DMXL1: variants seen among roughly 807,000 people sequenced by gnomAD.
The protein encoded by DMXL1 is Dmx like 1, also known as dmX-like protein 1.
Under a neutral mutation model 319.2 loss-of-function variants are expected in DMXL1, and 99 were observed. The ratio of observed to expected loss-of-function variants is 0.31; its 90% confidence interval spans 0.26 to 0.37. The LOEUF is 0.37. Ranked by LOEUF, DMXL1 falls within the 10% of genes least tolerant of loss-of-function variation. The probability of loss-of-function intolerance (pLI) is 1.00; values close to 1 mark genes in which losing one functional copy is unlikely to be tolerated. For missense variants in DMXL1, 3,745 were observed against 3,595.6 expected (o/e 1.04, Z -1.06); for synonymous variants, 1,385 against 1,235.2 (o/e 1.12, Z -2.54).
At chr5:119,173,774 G>GTATATATATATATA (rs1306952541) in intron 25 of DMXL1, among the ~76,000 whole-genome samples, 1 of 33,644 alleles carries the variant, frequency 3.0e-5, no homozygotes, top group Non-Finnish European at 5.3e-5. Flanking sequence ...ATATGTGTGT[G>GTATATATATATATA]TGTATATATA....
intron 1 of DMXL1, among the ~76,000 whole-genome samples, chr5:119,095,956 C>T (rs1200352538): frequency 6.6e-6 from 1 of 152,064 alleles, no homozygotes; most frequent in Non-Finnish European, 1.5e-5. Flanking sequence ...AGGGAAGCCC[C>T]TGTTGGTACC....
At chr5:119,081,682 C>A (rs1752221051) in intron 1 of DMXL1, 1 of 985,122 alleles carries the variant, frequency 1.0e-6, no homozygotes, top group African/African-American at 1.7e-5. Flanking sequence ...TTAGACTTTA[C>A]CAATTTTAAC....
chr5:119,071,673 C>T lies in DMXL1; in HGVS notation c.87+17C>T, dbSNP rs200131353. On this transcript the variant is annotated intron_variant, in intron 1 of 43. Coordinates refer to ENST00000539542, the MANE Select transcript of DMXL1 (RefSeq NM_001290321.3). Reference sequence around the variant, plus strand: ...CGCTTCACGGTGAGTGAGGGAGGCCCTCGCGTCGCCCGTGGCCCGGCCTTT... The same window carrying T: ...CGCTTCACGGTGAGTGAGGGAGGCCTTCGCGTCGCCCGTGGCCCGGCCTTT... 6.4e-7 allele frequency: 1 copy of T among 1,569,906 alleles called. No individual in the cohort carries two copies. The highest frequency in any genetic ancestry group is 8.6e-7 in the Non-Finnish European group (1 of 1,158,320).
At chr5:119,181,697 A>G (rs954655666) in intron 28 of DMXL1, among the ~76,000 whole-genome samples, 2 of 152,204 alleles carry the variant, frequency 1.3e-5, no homozygotes, top group Admixed American at 6.5e-5. Flanking sequence ...CTGTAGACCC[A>G]GCTACTCAGG....
Position 119,170,870 on chromosome 5 carries a change from C to G in DMXL1, c.6079C>G (p.Gln2027Glu). Residue 2027 changes from glutamine to glutamate, a missense_variant, in exon 24 of 44, where the codon CAG becomes GAG. By Grantham distance (29) the Gln-to-Glu change is conservative. Around this residue, in one of 4 missense-constraint regions of DMXL1, gnomAD observed 1,382 missense variants for 1,269.5 expected, o/e 1.09. Transcript: ENST00000539542. ...LNPSEDIIAV[Q>E]LKFRACLKIL... Reference sequence around the variant, plus strand: ...TCCATCAGAAGATATAATTGCAGTTCAGTTAAAATTTAGAGCATGTTTAAA... The same window carrying G: ...TCCATCAGAAGATATAATTGCAGTTGAGTTAAAATTTAGAGCATGTTTAAA... The G allele has an allele frequency of 6.2e-7, 1 of 1,612,074 alleles. No individual in the cohort carries two copies. Among genetic ancestry groups the G allele is most frequent in the Non-Finnish European group, 8.5e-7 (1 of 1,179,516 alleles).
chr5:119,077,666 G>A (rs867671287), intron 1 of DMXL1, among the ~76,000 whole-genome samples: 41 of 124,108 alleles, frequency 3.3e-4, no homozygotes, highest in African/African-American at 1.3e-3. Flanking sequence ...ATGTGTGTGT[G>A]TATATATATG....
rs985955741 is a variant in DMXL1 at position 119,133,655 on chromosome 5, T to G, written c.1731T>G (p.Ile577Met). The change falls in exon 12 of 44, where the codon ATT becomes ATG. Residue 577 changes from isoleucine to methionine, a missense_variant. Physicochemically the swap from Ile to Met is conservative, Grantham distance 10. This residue lies in a region of DMXL1 where 2,096 missense variants were observed against 1,985.4 expected (regional missense o/e 1.06). Coordinates refer to ENST00000539542, the MANE Select transcript of DMXL1 (RefSeq NM_001290321.3). ...SGLTRSTSML[I>M]SSGHNKSSNS... ...TCACCCGTTCCACATCAATGCTTATTTCTTCTGGTCACAATAAATCATCTA... is the reference window on the plus strand; with the variant it reads ...TCACCCGTTCCACATCAATGCTTATGTCTTCTGGTCACAATAAATCATCTA... 5 of 1,614,246 alleles carry G rather than the reference T, an allele frequency of 3.1e-6. No individual in the cohort carries two copies. Among genetic ancestry groups the G allele is most frequent in the Non-Finnish European group, 4.2e-6 (5 of 1,180,040 alleles).
intron 1 of DMXL1, among the ~76,000 whole-genome samples, chr5:119,085,286 G>C (rs1433684670): frequency 1.7e-4 from 26 of 151,432 alleles, no homozygotes; most frequent in Non-Finnish European, 1.5e-5. Context: ...AACCAAGATT[G>C]GTGCCACTGC....
intron 22 of DMXL1, 72 bp from the exon 23 acceptor site, chr5:119,167,531 A>T: frequency 8.2e-7 from 1 of 1,221,302 alleles, no homozygotes; most frequent in Non-Finnish European, 1.1e-6. Flanking sequence ...TCTAGTTATT[A>T]GTGAGTTAAC....
At chr5:119,122,132 G>C (rs557083659) in intron 9 of DMXL1, among the ~76,000 whole-genome samples, 2 of 132,424 alleles carry the variant, frequency 1.5e-5, no homozygotes, top group Non-Finnish European at 3.2e-5. Flanking sequence ...TGGCCGGGCG[G>C]GGGGCTGACC....
At chr5:119,146,015 A>G (rs374732690) in intron 15 of DMXL1, among the ~76,000 whole-genome samples, 21 of 151,788 alleles carry the variant, frequency 1.4e-4, no homozygotes, top group East Asian at 5.8e-4. Flanking sequence ...CTTAGAATAC[A>G]TTACCAAAGT....
At position 119,121,212 on chromosome 5, in the gene DMXL1, T is replaced by C. The variant is rs1010213539; in HGVS notation, c.1102+73T>C. On this transcript the variant is annotated intron_variant, in intron 9 of 43. Transcript: ENST00000539542. ...TTTTATAACAACTAAGTTATACTTT[T>C]AGTTTTCAAATAAGTAAAATATTGG... 15 of 1,309,220 alleles carry C rather than the reference T, an allele frequency of 1.1e-5. No homozygotes were observed. The South Asian group carries it at 1.2e-4, about 10-fold the overall frequency. The allele number at this position is 1,309,220 out of a possible 1,614,324, so 81.1% of individuals were successfully genotyped here.
chr5:119,097,993 A>T lies in DMXL1; in HGVS notation c.102A>T (p.Gly34=), dbSNP rs776582738. ...GDQRFTAYAS[G]CDIVILGSDF... Reference sequence around the variant, plus strand: ...TATTTTTTTAGGCTTATGCATCTGGATGTGACATTGTAATACTGGGAAGCG... The same window carrying T: ...TATTTTTTTAGGCTTATGCATCTGGTTGTGACATTGTAATACTGGGAAGCG... The change falls in exon 2 of 44, where the codon GGA becomes GGT. Residue 34 remains glycine (G), a synonymous_variant. Coordinates refer to ENST00000539542, the MANE Select transcript of DMXL1 (RefSeq NM_001290321.3). The T allele has an allele frequency of 3.1e-6, 5 of 1,605,248 alleles. No homozygotes were observed. Among genetic ancestry groups the T allele is most frequent in the Non-Finnish European group, 4.2e-6 (5 of 1,177,212 alleles).
chr5:119,159,560 CTT>C lies in DMXL1; in HGVS notation c.4703-4946_4703-4945del, dbSNP rs1418691947. Among the ~76,000 whole-genome samples, 8 of 152,352 alleles carry C rather than the reference CTT, an allele frequency of 5.3e-5. No individual in the cohort carries two copies. The East Asian group carries it at 1.5e-3, about 29-fold the overall frequency. On this transcript the variant is annotated intron_variant, in intron 19 of 43. Transcript: ENST00000539542. ...TTGGCATATATCTGCATATTAATCT[CTT>C]ATGATTATTTGTGGTATCAGTTGTA...
chr5:119,080,466 A>G (rs960741090), intron 1 of DMXL1, among the ~76,000 whole-genome samples: 4 of 152,126 alleles, frequency 2.6e-5, no homozygotes, highest in African/African-American at 9.7e-5. Context: ...ATCTCTGTGA[A>G]TGGTTCCATT....
intron 25 of DMXL1, among the ~76,000 whole-genome samples, chr5:119,173,888 A>T (rs1775258632): frequency 6.7e-6 from 1 of 149,820 alleles, no homozygotes; most frequent in Non-Finnish European, 1.5e-5. Context: ...TTGGACACCC[A>T]GGAGAGCTGA....
chr5:119,237,148 A>G lies in DMXL1; in HGVS notation c.8467-174A>G, dbSNP rs1055053719. 1.9e-5 allele frequency: 7 copies of G among 378,172 alleles called. No homozygotes were observed. The Admixed American group carries it at 2.5e-4, about 13-fold the overall frequency. 23.4% of individuals were successfully genotyped at this position (378,172 alleles called of 1,614,324 possible). A position where few individuals can be genotyped will look rare whatever the true frequency, so the allele number is the denominator to read the frequency against. ...TCTTTATGTTCACCCTGGGATTTTT[A>G]AAGTAGTAGCTGAATGTTTTTCTGA... On this transcript the variant is annotated intron_variant, in intron 39 of 43. Transcript: ENST00000539542.
intron 1 of DMXL1, among the ~76,000 whole-genome samples, chr5:119,084,046 T>C (rs1215995875): frequency 6.6e-6 from 1 of 152,224 alleles, no homozygotes; most frequent in Non-Finnish European, 1.5e-5. Flanking sequence ...ATTTGTGATG[T>C]TGAACATTTT....
chr5:119,121,858 C>T (rs1414797852), intron 9 of DMXL1, among the ~76,000 whole-genome samples: 1 of 151,652 alleles, frequency 6.6e-6, no homozygotes, highest in Non-Finnish European at 1.5e-5. Flanking sequence ...GTAGGGGTGG[C>T]CGGGCAGAGG....
Sources: allele counts gnomAD v4.1 joint callset (sites outside exome capture counted in the v4.1 genomes callset), GRCh38; gene constraint gnomAD v4.1.1; regional missense constraint gnomAD v4.1.1; transcripts MANE v1.5; gene names NCBI Gene and HGNC (gene_info 2026-07-23, HGNC 2026-07-21).